The following KDM1B variants were observed in gnomAD, a reference collection of about 807,000 sequenced individuals.
The protein encoded by KDM1B is lysine-specific histone demethylase 2.
KDM1B carries 63 observed loss-of-function variants against 107.4 expected under a neutral mutation model. That is an observed-to-expected ratio of 0.59 (90% confidence interval 0.48 to 0.72). KDM1B has a LOEUF of 0.72. Among genes scored for constraint, KDM1B ranks in the 30% least tolerant of loss-of-function variants. KDM1B has a pLI of 0.00. For synonymous variants in KDM1B, 363 were observed against 363.9 expected (o/e 1.00, Z 0.03); for missense variants, 749 against 1,020.8 (o/e 0.73, Z 3.63).
In KDM1B at chr6:18,211,111, TATAA is replaced by T. The variant is rs1275148780; in HGVS notation, c.1867-1373_1867-1370del. Among the ~76,000 whole-genome samples, 1 of 152,154 alleles carries T rather than the reference TATAA, an allele frequency of 6.6e-6. No individual in the cohort carries two copies. Among genetic ancestry groups the T allele is most frequent in the African/African-American group, 2.4e-5 (1 of 41,386 alleles). On this transcript the variant is annotated intron_variant, in intron 17 of 21. Transcript: ENST00000650836. The surrounding 1 kb of genome is among the most constrained non-coding windows in gnomAD (Gnocchi z 5.2). ...TTTTTTTGGTTGCATGGTAATTATC[TATAA>T]ATAGATTATAAACTTCTTGATGATA...
rs933476181 is a variant in KDM1B at position 18,159,208 on chromosome 6, C to T, written c.-13-675C>T. ...GTCTCGAACTCCTGACCTCATGATC[C>T]GCCTGCCTGGGCCTTGCAAAGTGCT... On this transcript the variant is annotated intron_variant, in intron 2 of 21. Transcript: ENST00000650836. This position sits in a 1 kb window ranked among gnomAD's most constrained non-coding sequence, Gnocchi z 4.5. 3.9e-5 allele frequency among the ~76,000 whole-genome samples: 6 copies of T among 152,084 alleles called. No individual in the cohort carries two copies. Among genetic ancestry groups the T allele is most frequent in the African/African-American group, 1.2e-4 (5 of 41,418 alleles).
At position 18,172,749 on chromosome 6, in the gene KDM1B, A is replaced by G. The variant is rs889121602; in HGVS notation, c.534+1270A>G. 1.3e-5 allele frequency among the ~76,000 whole-genome samples: 2 copies of G among 152,054 alleles called. No individual in the cohort carries two copies. Among genetic ancestry groups the G allele is most frequent in the African/African-American group, 4.8e-5 (2 of 41,408 alleles). ...TTTCATTATATTTATAATAAACTAT[A>G]TAGTTTATTTTCTGTGCCTGGCCTA... On this transcript the variant is annotated intron_variant, in intron 7 of 21. Coordinates refer to ENST00000650836, the MANE Select transcript of KDM1B (RefSeq NM_001364614.2). The surrounding 1 kb of genome is among the most constrained non-coding windows in gnomAD (Gnocchi z 5.2).
intron 5 of KDM1B, among the ~76,000 whole-genome samples, chr6:18,164,402 A>G (rs1017004252): frequency 6.6e-6 from 1 of 152,066 alleles, no homozygotes; most frequent in Admixed American, 6.6e-5. Context: ...TGCTGGGATT[A>G]TAGCACTTTG....
chr6:18,218,995 T>C (rs989413768), intron 21 of KDM1B, among the ~76,000 whole-genome samples: 12 of 152,142 alleles, frequency 7.9e-5, no homozygotes, highest in Admixed American at 7.9e-4. Context: ...CTCTGCCTCC[T>C]GGGTTCACAC....
Position 18,201,036 on chromosome 6 carries a change from G to C in KDM1B, c.1360-450G>C, listed in dbSNP as rs1024588008. ...TAAGGAGGCAGCCTGTCTTTAATCT[G>C]GCAGTCATAGAGAGTTTATTTGAAG... On this transcript the variant is annotated intron_variant, in intron 13 of 21. Coordinates refer to ENST00000650836, the MANE Select transcript of KDM1B (RefSeq NM_001364614.2). This position sits in a 1 kb window ranked among gnomAD's most constrained non-coding sequence, Gnocchi z 4.3. 3.9e-5 allele frequency among the ~76,000 whole-genome samples: 6 copies of C among 152,182 alleles called. No individual in the cohort carries two copies. The highest frequency in any genetic ancestry group is 1.4e-4 in the African/African-American group (6 of 41,432).
rs1788054250 is a variant in KDM1B at position 18,201,847 on chromosome 6, CTTGTG to C, written c.1531+197_1531+201del. On this transcript the variant is annotated intron_variant, in intron 14 of 21. Coordinates refer to ENST00000650836, the MANE Select transcript of KDM1B (RefSeq NM_001364614.2). This position sits in a 1 kb window ranked among gnomAD's most constrained non-coding sequence, Gnocchi z 4.3. Reference sequence around the variant, plus strand: ...AACTTTTTGTAGGGAGGCTTAGATGCTTGTGTTGTGTACACACACACACACAGACC... The same window carrying C: ...AACTTTTTGTAGGGAGGCTTAGATGCTTGTGTACACACACACACACAGACC... Among the ~76,000 whole-genome samples the C allele has an allele frequency of 6.6e-6, 1 of 152,142 alleles. No homozygotes were observed. The highest frequency in any genetic ancestry group is 1.5e-5 in the Non-Finnish European group (1 of 68,032).
At chr6:18,161,711 T>C (rs1784982018) in intron 4 of KDM1B, among the ~76,000 whole-genome samples, 1 of 152,062 alleles carries the variant, frequency 6.6e-6, no homozygotes, top group African/African-American at 2.4e-5. Context: ...CAGCCAACCA[T>C]ATCTACCTCT....
At chr6:18,166,712 A>G (rs143330124) in intron 6 of KDM1B, among the ~76,000 whole-genome samples, 518 of 152,030 alleles carry the variant, frequency 3.4e-3, no homozygotes, top group Middle Eastern at 0.024. Context: ...TAAGTAGGCA[A>G]GAATGGTGGC....
chr6:18,179,865 T>C lies in KDM1B; in HGVS notation c.535-5907T>C, dbSNP rs1582122201. 1.5e-5 allele frequency among the ~76,000 whole-genome samples: 2 copies of C among 134,190 alleles called. 1 individual carries two copies. The highest frequency in any genetic ancestry group is 5.6e-5 in the African/African-American group (2 of 35,884). The allele number at this position is 134,190 out of a possible 152,430, so 88.0% of individuals were successfully genotyped here. On this transcript the variant is annotated intron_variant, in intron 7 of 21. Coordinates refer to ENST00000650836, the MANE Select transcript of KDM1B (RefSeq NM_001364614.2). The stretch of plus-strand genomic sequence containing the variant: ...GTTTTTTTTCCTTTTTTTTTTTTTT[T>C]TTTTTTTTTTTTTCATAAGGCAGGG...
intron 20 of KDM1B, among the ~76,000 whole-genome samples, chr6:18,215,873 G>A (rs1032319357): frequency 2.0e-5 from 3 of 150,668 alleles, no homozygotes; most frequent in Admixed American, 6.7e-5. Flanking sequence ...TTTTAATATC[G>A]CACACATGCA....
chr6:18,203,973 G>A lies in KDM1B; in HGVS notation c.1532-1564G>A, dbSNP rs141659435. Among the ~76,000 whole-genome samples, 10 of 152,190 alleles carry A rather than the reference G, an allele frequency of 6.6e-5. No individual in the cohort carries two copies. Among genetic ancestry groups the A allele is most frequent in the Non-Finnish European group, 1.0e-4 (7 of 68,010 alleles). ...CCAACAGGAATGTAGAAACTGCACAGCAGGAAGCGGGGATGGGACTTCTAC... is the reference window on the plus strand; with the variant it reads ...CCAACAGGAATGTAGAAACTGCACAACAGGAAGCGGGGATGGGACTTCTAC... On this transcript the variant is annotated intron_variant, in intron 14 of 21. Transcript: ENST00000650836. The surrounding 1 kb of genome is among the most constrained non-coding windows in gnomAD (Gnocchi z 5.5).
intron 7 of KDM1B, among the ~76,000 whole-genome samples, chr6:18,175,503 G>A (rs1421517657): frequency 6.6e-6 from 1 of 152,068 alleles, no homozygotes; most frequent in Non-Finnish European, 1.5e-5. Context: ...ATTTATCTTT[G>A]TTTTTATTGT....
intron 6 of KDM1B, among the ~76,000 whole-genome samples, chr6:18,166,727 G>A (rs1785322566): frequency 6.6e-6 from 1 of 151,858 alleles, no homozygotes; most frequent in Admixed American, 6.6e-5. Flanking sequence ...GGTGGCAGGT[G>A]TCTGTAGTCC....
At position 18,205,664 on chromosome 6, in the gene KDM1B, G is replaced by C. The variant is rs1428494832; in HGVS notation, c.1659G>C (p.Gln553His). ...LEYACGSNLH[Q>H]VSARSWDHNE... The stretch of plus-strand genomic sequence containing the variant: ...ACGCCTGTGGCAGCAACCTTCACCA[G>C]GTGCGCTTGGGTTTTGTGAAAGGTG... The change falls in exon 15 of 22, where the codon CAG (glutamine) becomes CAC (histidine). Residue 553 changes from glutamine to histidine, a missense_variant and splice_region_variant. By Grantham distance (24) the Gln-to-His change is conservative. Coordinates refer to ENST00000650836, the MANE Select transcript of KDM1B (RefSeq NM_001364614.2). This position sits in a 1 kb window ranked among gnomAD's most constrained non-coding sequence, Gnocchi z 5.7. The C allele has an allele frequency of 2.0e-6, 3 of 1,499,136 alleles. No homozygotes were observed. The highest frequency in any genetic ancestry group is 2.7e-6 in the Non-Finnish European group (3 of 1,126,176). The allele number at this position is 1,499,136 out of a possible 1,614,324, so 92.9% of individuals were successfully genotyped here. A position where few individuals can be genotyped will look rare whatever the true frequency, so the allele number is the denominator to read the frequency against.
intron 7 of KDM1B, among the ~76,000 whole-genome samples, chr6:18,176,769 A>C (rs1384034718): frequency 1.3e-5 from 2 of 152,114 alleles, no homozygotes; most frequent in African/African-American, 4.8e-5. Flanking sequence ...ATTGATTTGC[A>C]TATGTTAAAC....
In KDM1B at chr6:18,200,508, A is replaced by G; in HGVS notation, c.1291A>G (p.Thr431Ala). ...VWDDKSFKGV[T>A]VGRGAQIVNG... ...GGATGATAAATCTTTTAAAGGCGTC[A>G]CAGTGGGAAGAGGAGCTCAGATTGT... Residue 431 changes from threonine (T) to alanine (A), a missense_variant, in exon 13 of 22, where the codon ACA becomes GCA. Coordinates refer to ENST00000650836, the MANE Select transcript of KDM1B (RefSeq NM_001364614.2). The surrounding 1 kb of genome is among the most constrained non-coding windows in gnomAD (Gnocchi z 4.3). 1.9e-6 allele frequency: 3 copies of G among 1,614,134 alleles called. No homozygotes were observed. The highest frequency in any genetic ancestry group is 2.2e-5 in the South Asian group (2 of 91,082).
At chr6:18,215,961 A>G (rs1789196300) in intron 20 of KDM1B, among the ~76,000 whole-genome samples, 2 of 152,202 alleles carry the variant, frequency 1.3e-5, no homozygotes, top group Admixed American at 6.5e-5. Flanking sequence ...GGAGATTTGT[A>G]AATGGCCATG....
chr6:18,165,285 C>G (rs1357649734), intron 5 of KDM1B, among the ~76,000 whole-genome samples: 2 of 151,774 alleles, frequency 1.3e-5, no homozygotes, highest in South Asian at 2.1e-4. Flanking sequence ...CACCCGCTAC[C>G]ACACCTGGCT....
At chr6:18,195,753 A>AAG (rs1177367876) in intron 10 of KDM1B, among the ~76,000 whole-genome samples, 1 of 151,872 alleles carries the variant, frequency 6.6e-6, no homozygotes, top group African/African-American at 2.4e-5. Flanking sequence ...AAAAAAGAGA[A>AAG]AGAAAATATG....
Sources: allele counts gnomAD v4.1 joint callset (sites outside exome capture counted in the v4.1 genomes callset), GRCh38; gene constraint gnomAD v4.1.1; non-coding constraint Gnocchi (gnomAD v3.1); transcripts MANE v1.5; gene names NCBI Gene and HGNC (gene_info 2026-07-23, HGNC 2026-07-21).